LTBP4: variants seen among roughly 807,000 people sequenced by gnomAD.
LTBP4 encodes latent transforming growth factor beta binding protein 4, also known as latent-transforming growth factor beta-binding protein 4.
In LTBP4, 93 loss-of-function variants were observed where a neutral mutation model predicts 180.2. The ratio of observed to expected loss-of-function variants is 0.52; its 90% CI spans 0.44 to 0.61. The LOEUF (loss-of-function observed/expected upper bound fraction) is 0.61, where lower values mean the gene tolerates loss of function less well. Ranked by LOEUF, LTBP4 falls within the 20% of genes least tolerant of loss-of-function variation. The pLI, the probability that LTBP4 is intolerant of heterozygous loss-of-function variation, is 0.00. For synonymous variants in LTBP4, 947 were observed against 934.5 expected, an observed-to-expected ratio of 1.01 and a Z score of -0.24; for missense variants, 2,116 against 2,256.5, an observed-to-expected ratio of 0.94 and a Z score of 1.26.
chr19:40,605,237 G>T lies in LTBP4; in HGVS notation c.442+11G>T, dbSNP rs1160627008. 1.3e-6 allele frequency: 2 copies of T among 1,579,730 alleles called. No individual in the cohort carries two copies. Among genetic ancestry groups the T allele is most frequent in the Non-Finnish European group, 1.7e-6 (2 of 1,162,574 alleles). ...GCGACGACGAGCACGGTGAGGAAAG[G>T]GTGGCCAGAGTCCCCTCCGACCCCT... On this transcript the variant is annotated intron_variant, in intron 2 of 29. Transcript: ENST00000396819. The surrounding 1 kb of genome is among the most constrained non-coding windows in gnomAD (Gnocchi z 5.5).
Position 40,620,767 on chromosome 19 carries a change from CAAAAAAAAAAAA to C in LTBP4, c.3217+1284_3217+1295del, listed in dbSNP as rs57662483. 5.0e-5 allele frequency among the ~76,000 whole-genome samples: 5 copies of C among 100,462 alleles called. No individual in the cohort carries two copies. In the South Asian group the frequency reaches 1.7e-3, roughly 34 times the overall value. The allele number at this position is 100,462 out of a possible 152,430, so 65.9% of individuals were successfully genotyped here. ...TGGGTGAGAGAGGAAGACTCCGTCC[CAAAAAAAAAAAA>C]AAAAAAAAAGCTATGTATTTATTTA... On this transcript the variant is annotated intron_variant, in intron 22 of 29. Transcript: ENST00000396819.
intron 27 of LTBP4, among the ~76,000 whole-genome samples, chr19:40,626,741 C>G (rs181951202): frequency 6.6e-6 from 1 of 152,156 alleles, no homozygotes; most frequent in Non-Finnish European, 1.5e-5. Context: ...TCCCATGGGT[C>G]GCTCCAATTC....
At chr19:40,614,904 T>A (rs940161965) in intron 19 of LTBP4, among the ~76,000 whole-genome samples, 7 of 152,166 alleles carry the variant, frequency 4.6e-5, no homozygotes, top group Non-Finnish European at 8.8e-5. Flanking sequence ...TCTTTCCCAA[T>A]GAGAAATTCC....
chr19:40,614,292 G>A, intron 18 of LTBP4, 23 bp from the exon 19 acceptor site: 1 of 1,587,848 alleles, frequency 6.3e-7, no homozygotes. Context: ...TCCCACATCC[G>A]ACCACCCGAC....
At chr19:40,614,200 C>T (rs2081530267) in intron 18 of LTBP4, 115 bp from the exon 19 acceptor site, 11 of 1,453,930 alleles carry the variant, frequency 7.6e-6, no homozygotes, top group Non-Finnish European at 1.0e-5. Context: ...CCAATCTTCT[C>T]CTGCCCTCTC....
Position 40,606,454 on chromosome 19 carries a change from A to T in LTBP4, c.919A>T (p.Asn307Tyr). Residue 307 changes from asparagine (N) to tyrosine (Y), a missense_variant, in exon 6 of 30, where the codon AAC becomes TAC. This residue lies in a region of LTBP4 where 469 missense variants were observed against 532.5 expected (regional missense o/e 0.88). Coordinates refer to ENST00000396819, the MANE Select transcript of LTBP4 (RefSeq NM_001042545.2). Reference protein sequence around the residue: ...GGRCQHGECANTRGGYTCVCP... With the variant: ...GGRCQHGECAYTRGGYTCVCP... ...GCGCTGCCAGCACGGCGAGTGTGCA[A>T]ACACGCGCGGCGGGTACACGTGTGT... The T allele has an allele frequency of 6.3e-7, 1 of 1,588,858 alleles. No individual in the cohort carries two copies. The highest frequency in any genetic ancestry group is 8.6e-7 in the Non-Finnish European group (1 of 1,168,232).
chr19:40,613,331 T>C lies in LTBP4; in HGVS notation c.2432-73T>C. 1 of 1,557,128 alleles carries C rather than the reference T, an allele frequency of 6.4e-7. No individual in the cohort carries two copies. The highest frequency in any genetic ancestry group is 1.4e-5 in the African/African-American group (1 of 73,304). ...AAACCTGGCATTGGTGGGGGCGGGG[T>C]TACTGCGATGTGGGCGGAGCTTGTC... On this transcript the variant is annotated intron_variant, in intron 16 of 29. Transcript: ENST00000396819. The surrounding 1 kb of genome is among the most constrained non-coding windows in gnomAD (Gnocchi z 5.0).
rs2081489939 is a variant in LTBP4, at chr19:40,609,667, C to A, written c.1558+6C>A. On this transcript the variant is annotated splice_donor_region_variant and intron_variant, in intron 10 of 29. Transcript: ENST00000396819. The surrounding 1 kb of genome is among the most constrained non-coding windows in gnomAD (Gnocchi z 4.9). ...CCAGGGCACCCGATGCATTGGTGAGCAAGACGGAGGGCGCGGAAGGAGGCG... is the reference window on the plus strand; with the variant it reads ...CCAGGGCACCCGATGCATTGGTGAGAAAGACGGAGGGCGCGGAAGGAGGCG... 9 of 1,612,702 alleles carry A rather than the reference C, an allele frequency of 5.6e-6. No individual in the cohort carries two copies. The highest frequency in any genetic ancestry group is 7.6e-6 in the Non-Finnish European group (9 of 1,179,358).
Position 40,609,668 on chromosome 19 carries a change from A to G in LTBP4, c.1558+7A>G, listed in dbSNP as rs2081489960. 1 of 1,612,688 alleles carries G rather than the reference A, an allele frequency of 6.2e-7. No homozygotes were observed. The highest frequency in any genetic ancestry group is 8.5e-7 in the Non-Finnish European group (1 of 1,179,330). On this transcript the variant is annotated splice_region_variant and intron_variant, in intron 10 of 29. Transcript: ENST00000396819. The surrounding 1 kb of genome is among the most constrained non-coding windows in gnomAD (Gnocchi z 4.9). ...CAGGGCACCCGATGCATTGGTGAGCAAGACGGAGGGCGCGGAAGGAGGCGG... is the reference window on the plus strand; with the variant it reads ...CAGGGCACCCGATGCATTGGTGAGCGAGACGGAGGGCGCGGAAGGAGGCGG...
chr19:40,628,867 G>C (rs957875551), intron 29 of LTBP4, among the ~76,000 whole-genome samples: 10 of 138,910 alleles, frequency 7.2e-5, no homozygotes, highest in Non-Finnish European at 1.6e-4. Context: ...TTCTTTTCTT[G>C]GCGACAGAGA....
Position 40,622,257 on chromosome 19 carries a change from C to T in LTBP4, c.3218-144C>T, listed in dbSNP as rs12979249. 105,893 of 803,980 alleles carry T rather than the reference C, an allele frequency of 0.13. 7,616 individuals are homozygous for T. The highest frequency in any genetic ancestry group is 0.23 in the Middle Eastern group (707 of 3,104). 49.8% of individuals were successfully genotyped at this position (803,980 alleles called of 1,614,324 possible). ...AGAAAGAGAAACAGTGACAGAGGAGCGTGAGAGGTGTGGAGTCTGGTTCTG... is the reference window on the plus strand; with the variant it reads ...AGAAAGAGAAACAGTGACAGAGGAGTGTGAGAGGTGTGGAGTCTGGTTCTG... On this transcript the variant is annotated intron_variant, in intron 22 of 29. Transcript: ENST00000396819. This position sits in a 1 kb window ranked among gnomAD's most constrained non-coding sequence, Gnocchi z 5.1.
At chr19:40,599,571 C>T (rs553535672), upstream of LTBP4, 1 of 1,599,286 alleles carries the variant, frequency 6.3e-7, no homozygotes, top group African/African-American at 1.3e-5. Flanking sequence ...GTGGGCAGTC[C>T]CTCCCCTACC....
At position 40,623,517 on chromosome 19, in the gene LTBP4, C is replaced by G. The variant is rs146990838; in HGVS notation, c.3557-87C>G. ...CTGTCTCTACTTCTTGGTCTATCAC[C>G]AGCTCTGTCTCTGTCTTCCCACGTC... On this transcript the variant is annotated intron_variant, in intron 24 of 29. Coordinates refer to ENST00000396819, the MANE Select transcript of LTBP4 (RefSeq NM_001042545.2). 7.9e-4 allele frequency: 1,175 copies of G among 1,480,772 alleles called. 3 individuals are homozygous for G. In the African/African-American group the frequency reaches 0.015, roughly 19 times the overall value. The allele number at this position is 1,480,772 out of a possible 1,614,324, so 91.7% of individuals were successfully genotyped here. A position where few individuals can be genotyped will look rare whatever the true frequency, so the allele number is the denominator to read the frequency against.
In LTBP4 at chr19:40,606,098, T is replaced by A. The variant is rs565036368; in HGVS notation, c.794-135T>A. 5.6e-4 allele frequency: 497 copies of A among 892,396 alleles called. 2 individuals are homozygous for A. In the African/African-American group the frequency reaches 6.4e-3, roughly 12 times the overall value. The allele number at this position is 892,396 out of a possible 1,614,324, so 55.3% of individuals were successfully genotyped here. On this transcript the variant is annotated intron_variant, in intron 4 of 29. Transcript: ENST00000396819. ...GAGTCTCCAATGTTGCCATTTCAAC[T>A]GCCAACCTAAGGCTGTCCCTGCACT...
Position 40,616,910 on chromosome 19 carries a change from A to G in LTBP4, c.2834A>G (p.Tyr945Cys), listed in dbSNP as rs1381348614. ...GCAGATGTGGATGAGTGCCAAGAAT[A>G]TGGTCCCGAGATTTGTGGAGCCCAG... ...TCDDVDECQE[Y>C]GPEICGAQRC... Residue 945 changes from tyrosine to cysteine, a missense_variant, in exon 20 of 30, where the codon TAT (tyrosine) becomes TGT (cysteine). This residue lies in a region of LTBP4 where 877 missense variants were observed against 873.6 expected (regional missense o/e 1.00). Transcript: ENST00000396819. 1.9e-6 allele frequency: 3 copies of G among 1,613,786 alleles called. No individual in the cohort carries two copies. The highest frequency in any genetic ancestry group is 1.3e-5 in the African/African-American group (1 of 74,884).
In LTBP4 at chr19:40,605,380, G is replaced by C; in HGVS notation, c.443-25G>C. ...CCCGTAAGAACCCGTGTAGACATCC[G>C]TTTGCCCGGCCGTGCCTCCCCTAGG... On this transcript the variant is annotated intron_variant, in intron 2 of 29. Coordinates refer to ENST00000396819, the MANE Select transcript of LTBP4 (RefSeq NM_001042545.2). This position sits in a 1 kb window ranked among gnomAD's most constrained non-coding sequence, Gnocchi z 5.5. 6.2e-7 allele frequency: 1 copy of C among 1,611,740 alleles called. No homozygotes were observed.
rs538438732 is a variant in LTBP4, at chr19:40,608,902, C to CAAAA, written c.1426+315_1426+318dup. Reference sequence around the variant, plus strand: ...CTCCAGCTTGAGCGACACTCCATCTCAAAAAAAAAAAAAAAAAAAGAATTC... The same window carrying CAAAA: ...CTCCAGCTTGAGCGACACTCCATCTCAAAAAAAAAAAAAAAAAAAAAAAGAATTC... On this transcript the variant is annotated intron_variant, in intron 9 of 29. Transcript: ENST00000396819. 1.9e-3 allele frequency: 156 copies of CAAAA among 82,698 alleles called. 2 individuals carry two copies. The highest frequency in any genetic ancestry group is 6.0e-3 in the African/African-American group (109 of 18,126). The allele number at this position is 82,698 out of a possible 1,614,324, so 5.1% of individuals were successfully genotyped here.
intron 1 of LTBP4, 105 bp from the exon 2 acceptor site, chr19:40,604,930 A>T: frequency 9.6e-7 from 1 of 1,038,784 alleles, no homozygotes; most frequent in Non-Finnish European, 1.4e-6. Context: ...CATGACAGCT[A>T]AGGGCGGAGC....
chr19:40,614,142 A>G, intron 18 of LTBP4, 104 bp downstream of exon 18: 2 of 1,467,260 alleles, frequency 1.4e-6, no homozygotes, highest in South Asian at 1.2e-5. Flanking sequence ...CCCTCCCCTT[A>G]CCTCTTTCCC....
Sources: allele counts gnomAD v4.1 joint callset (sites outside exome capture counted in the v4.1 genomes callset), GRCh38; gene constraint gnomAD v4.1.1; regional missense constraint gnomAD v4.1.1; non-coding constraint Gnocchi (gnomAD v3.1); transcripts MANE v1.5; gene names NCBI Gene and HGNC (gene_info 2026-07-23, HGNC 2026-07-21).